The following NELL1 variants were observed in gnomAD, a reference collection of about 807,000 sequenced individuals.
The protein encoded by NELL1 is neural EGFL like 1, also known as protein kinase C-binding protein NELL1.
A neutral mutation model predicts 107.4 loss-of-function variants in NELL1; 76 were observed. The ratio of observed to expected loss-of-function variants is 0.71; its 90% CI spans 0.59 to 0.86. The LOEUF is 0.86. Among genes scored for constraint, NELL1 ranks in the 40% least tolerant of loss-of-function variants. The pLI, the probability that NELL1 is intolerant of heterozygous loss-of-function variation, is 0.00. For missense variants in NELL1, 1,024 were observed against 1,005.5 expected, an observed-to-expected ratio of 1.02 and a Z score of -0.25; for synonymous variants, 353 against 341.2, an observed-to-expected ratio of 1.03 and a Z score of -0.38.
At chr11:21,181,499 T>C (rs1856825620) in intron 13 of NELL1, among the ~76,000 whole-genome samples, 1 of 151,902 alleles carries the variant, frequency 6.6e-6, no homozygotes, top group African/African-American at 2.4e-5. Context: ...ATGGCAGAAA[T>C]GAGATTGGAA....
chr11:20,851,494 C>A (rs1236101288), intron 4 of NELL1, among the ~76,000 whole-genome samples: 1 of 152,084 alleles, frequency 6.6e-6, no homozygotes, highest in Non-Finnish European at 1.5e-5. Context: ...TAAGAGTTGG[C>A]AACAAAGCCT....
At chr11:21,204,675 T>G (rs1857349753) in intron 13 of NELL1, among the ~76,000 whole-genome samples, 4 of 152,016 alleles carry the variant, frequency 2.6e-5, no homozygotes, top group Admixed American at 2.6e-4. Context: ...TTGTGATCCT[T>G]TGGAGAAGAA....
At position 21,132,851 on chromosome 11, in the gene NELL1, C is replaced by A. The variant is rs1855655313; in HGVS notation, c.1426+19137C>A. ...TTGCGTTGCTGCTCTTTCAGTCCTG[C>A]CATTTGATGGGTCCCAATTTCTTGT... On this transcript the variant is annotated intron_variant, in intron 13 of 19. Transcript: ENST00000357134. Among the ~76,000 whole-genome samples, 3 of 152,132 alleles carry A rather than the reference C, an allele frequency of 2.0e-5. No individual in the cohort carries two copies. In the South Asian group the frequency reaches 6.2e-4, roughly 32 times the overall value.
chr11:21,094,141 A>C (rs750289077), intron 12 of NELL1, among the ~76,000 whole-genome samples: 1 of 152,204 alleles, frequency 6.6e-6, no homozygotes, highest in Non-Finnish European at 1.5e-5. Context: ...CTCCAAATGG[A>C]AGAAATTGGC....
chr11:21,146,563 C>A (rs1303221880), intron 13 of NELL1, among the ~76,000 whole-genome samples: 1 of 152,198 alleles, frequency 6.6e-6, no homozygotes, highest in Non-Finnish European at 1.5e-5. Flanking sequence ...ACTTCTCTCT[C>A]CTCCTGCCCT....
chr11:20,700,591 G>A (rs966121971), intron 2 of NELL1, among the ~76,000 whole-genome samples: 5 of 152,078 alleles, frequency 3.3e-5, no homozygotes, highest in African/African-American at 4.8e-5. Context: ...CATGTGCCAT[G>A]TTGGTGTGCG....
intron 10 of NELL1, 127 bp downstream of exon 10, chr11:20,937,986 G>A (rs538697286): frequency 3.2e-5 from 27 of 838,828 alleles, no homozygotes; most frequent in South Asian, 2.5e-4. Context: ...AACTCTCTGC[G>A]GTGGGTTGGA....
intron 4 of NELL1, among the ~76,000 whole-genome samples, chr11:20,848,140 G>C (rs1055288456): frequency 3.9e-5 from 6 of 152,328 alleles, no homozygotes; most frequent in African/African-American, 9.6e-5. Context: ...ACCCTGGAAT[G>C]AATCTGAGAA....
At chr11:21,404,006 C>A (rs1303554165) in intron 15 of NELL1, among the ~76,000 whole-genome samples, 40 of 10,242 alleles carry the variant, frequency 3.9e-3, no homozygotes, top group Non-Finnish European at 8.1e-3. Context: ...CATTCCTGAA[C>A]CCCCCCCCCC....
At chr11:20,888,431 T>C (rs1005867533) in intron 5 of NELL1, among the ~76,000 whole-genome samples, 2 of 150,674 alleles carry the variant, frequency 1.3e-5, no homozygotes, top group African/African-American at 4.9e-5. Context: ...TGTATATTAT[T>C]ATAATATACA....
intron 16 of NELL1, 23 bp downstream of exon 16, chr11:21,534,537 C>T (rs1856083932): frequency 1.2e-6 from 2 of 1,612,948 alleles, no homozygotes; most frequent in African/African-American, 1.3e-5. Context: ...CAGGCATGCC[C>T]TCCAACTGCT....
chr11:21,194,191 G>C (rs993213642), intron 13 of NELL1, among the ~76,000 whole-genome samples: 3 of 151,606 alleles, frequency 2.0e-5, no homozygotes, highest in Non-Finnish European at 2.9e-5. Flanking sequence ...CTGCCTTCTG[G>C]AGGCCTACCC....
chr11:21,223,929 C>T (rs996404339), intron 13 of NELL1, among the ~76,000 whole-genome samples: 1 of 152,102 alleles, frequency 6.6e-6, no homozygotes, highest in Non-Finnish European at 1.5e-5. Context: ...GTTAGTTTTT[C>T]TGTGTATAGG....
chr11:21,054,977 A>G (rs1383707096), intron 12 of NELL1, among the ~76,000 whole-genome samples: 2 of 152,006 alleles, frequency 1.3e-5, no homozygotes, highest in Non-Finnish European at 2.9e-5. Flanking sequence ...CTGGTAGACT[A>G]TTTTTAATTT....
chr11:21,447,216 G>A (rs1056381582), intron 15 of NELL1, among the ~76,000 whole-genome samples: 1 of 152,122 alleles, frequency 6.6e-6, no homozygotes, highest in Non-Finnish European at 1.5e-5. Context: ...TGTCATCCCA[G>A]AGCCAAGGAC....
chr11:21,144,723 C>T (rs536997027), intron 13 of NELL1, among the ~76,000 whole-genome samples: 37 of 152,252 alleles, frequency 2.4e-4, no homozygotes, highest in African/African-American at 8.9e-4. Context: ...AGGTAGAAGA[C>T]ACTGAATAAC....
intron 15 of NELL1, among the ~76,000 whole-genome samples, chr11:21,417,231 C>T (rs893291816): frequency 1.3e-5 from 2 of 152,034 alleles, no homozygotes; most frequent in Admixed American, 6.6e-5. Context: ...TTTCTACCTT[C>T]TTCTTTACTT....
chr11:21,272,718 G>A (rs534894976), intron 14 of NELL1, among the ~76,000 whole-genome samples: 8 of 152,166 alleles, frequency 5.3e-5, no homozygotes, highest in African/African-American at 1.2e-4. Flanking sequence ...CCAGAGGAAC[G>A]ATCAGGCAGC....
chr11:21,243,160 A>C (rs752251035), intron 14 of NELL1, among the ~76,000 whole-genome samples: 1 of 152,154 alleles, frequency 6.6e-6, no homozygotes, highest in Non-Finnish European at 1.5e-5. Flanking sequence ...GATATGGCAA[A>C]AAATCAAGTA....
Sources: gnomAD v4.1 joint callset for allele counts (sites outside exome capture counted in the v4.1 genomes callset) on GRCh38, gnomAD v4.1.1 for gene constraint, MANE v1.5 for transcripts, NCBI Gene and HGNC (gene_info 2026-07-23, HGNC 2026-07-21) for gene names.